ERC1: variants seen among roughly 807,000 people sequenced by gnomAD.
The protein encoded by ERC1 is RAB6 interacting protein 2.
ERC1 carries 56 observed loss-of-function variants against 132.0 expected under a neutral mutation model. The ratio of observed to expected loss-of-function variants is 0.42; its 90% CI spans 0.34 to 0.53. The LOEUF (loss-of-function observed/expected upper bound fraction) is 0.53. Ranked by LOEUF, ERC1 falls within the 20% of genes least tolerant of loss-of-function variation. ERC1 has a pLI of 0.03. For synonymous variants in ERC1, 478 were observed against 476.1 expected, an observed-to-expected ratio of 1.00 and a Z score of -0.05; for missense variants, 1,202 against 1,349.9, an observed-to-expected ratio of 0.89 and a Z score of 1.72.
intron 12 of ERC1, among the ~76,000 whole-genome samples, chr12:1,211,589 C>T (rs1176484895): frequency 1.3e-5 from 2 of 152,116 alleles, no homozygotes; most frequent in African/African-American, 2.4e-5. Context: ...GATGGAGTTT[C>T]GCTTTTGTCA....
At chr12:1,175,964 A>G (rs777405133) in intron 8 of ERC1, among the ~76,000 whole-genome samples, 1 of 152,190 alleles carries the variant, frequency 6.6e-6, no homozygotes, top group African/African-American at 2.4e-5. Context: ...AGCCTGTCAA[A>G]GTTATCCGTG....
At chr12:1,204,026 T>C (rs1490272411) in intron 12 of ERC1, 1 of 153,202 alleles carries the variant, frequency 6.5e-6, no homozygotes, top group East Asian at 1.9e-4. Flanking sequence ...GCTGTGTTTT[T>C]CTGCTTTTGC....
At position 1,141,632 on chromosome 12, in the gene ERC1, C is replaced by T. The variant is rs1197599998; in HGVS notation, c.1582C>T (p.Arg528Ter). 2.5e-6 allele frequency: 4 copies of T among 1,608,218 alleles called. No individual in the cohort carries two copies. The highest frequency in any genetic ancestry group is 3.4e-6 in the Non-Finnish European group (4 of 1,177,116). The change falls in exon 8 of 19, where the codon CGA (arginine) becomes TGA (stop). Residue 528 changes from arginine to a stop codon, truncating the protein, a stop_gained. Coordinates refer to ENST00000360905, the MANE Select transcript of ERC1 (RefSeq NM_178040.4). LOFTEE classifies it high-confidence loss of function. ...CCTACATTCTTAGGTGGATGCTCTC[C>T]GATTGCGTTTGGAAGAGAAGGAAAC... The part of the protein sequence containing the change: ...AILQTEVDAL[R>*]LRLEEKETML...
At chr12:1,310,214 A>ATTTTGTTTTGTTTTG (rs149839604) in intron 15 of ERC1, among the ~76,000 whole-genome samples, 30,047 of 144,316 alleles carry the variant, frequency 0.21, 3,340 homozygotes, top group Non-Finnish European at 0.26. Flanking sequence ...GTTCTTTTTT[A>ATTTTGTTTTGTTTTG]TTTTATTTTA....
intron 18 of ERC1, among the ~76,000 whole-genome samples, chr12:1,459,701 C>CA (rs1160815969): frequency 6.6e-6 from 1 of 152,148 alleles, no homozygotes; most frequent in Non-Finnish European, 1.5e-5. Context: ...GTCAAACACA[C>CA]AAAAATGTAT....
chr12:1,171,200 A>C (rs560004663), intron 8 of ERC1, among the ~76,000 whole-genome samples: 1 of 152,324 alleles, frequency 6.6e-6, no homozygotes, highest in Non-Finnish European at 1.5e-5. Flanking sequence ...ATAAGCAGTA[A>C]TTGAGAATAC....
At chr12:1,110,423 G>T in intron 5 of ERC1, 76 bp downstream of exon 5, 1 of 1,220,202 alleles carries the variant, frequency 8.2e-7, no homozygotes, top group East Asian at 2.5e-5. Context: ...CTCTAGTGAT[G>T]ATAAAGCCGT....
At chr12:1,372,051 T>C in intron 16 of ERC1, 74 bp downstream of exon 16, 2 of 1,533,646 alleles carry the variant, frequency 1.3e-6, no homozygotes, top group Non-Finnish European at 1.8e-6. Context: ...CTTTGCCAGC[T>C]TGTACTTTAA....
At chr12:1,269,724 A>G (rs2077700027) in intron 14 of ERC1, among the ~76,000 whole-genome samples, 1 of 152,190 alleles carries the variant, frequency 6.6e-6, no homozygotes, top group South Asian at 2.1e-4. Flanking sequence ...CACTTTCCCA[A>G]AAGGCACATG....
chr12:1,440,799 C>A (rs2093130154), intron 17 of ERC1, among the ~76,000 whole-genome samples: 2 of 151,596 alleles, frequency 1.3e-5, no homozygotes. Context: ...CAGGTGCGCA[C>A]CACACCCAGC....
intron 16 of ERC1, among the ~76,000 whole-genome samples, chr12:1,404,446 G>GA (rs1235177964): frequency 6.6e-6 from 1 of 150,690 alleles, no homozygotes; most frequent in Non-Finnish European, 1.5e-5. Context: ...AGTTCTATAT[G>GA]AAAAAATCGA....
chr12:1,015,352 C>G (rs1452638640), intron 1 of ERC1, among the ~76,000 whole-genome samples: 1 of 152,126 alleles, frequency 6.6e-6, no homozygotes. Context: ...AGCCACCATG[C>G]CTGGCCATTG....
intron 7 of ERC1, among the ~76,000 whole-genome samples, chr12:1,119,995 A>AT (rs553700400): frequency 3.3e-4 from 49 of 148,368 alleles, no homozygotes; most frequent in South Asian, 6.4e-4. Flanking sequence ...TTAATTTATT[A>AT]TTTTTTTTTT....
intron 14 of ERC1, among the ~76,000 whole-genome samples, chr12:1,280,102 G>A (rs780684015): frequency 3.9e-5 from 6 of 152,238 alleles, no homozygotes; most frequent in East Asian, 3.9e-4. Context: ...TATATCGTTC[G>A]CTTGTAATGA....
At chr12:1,305,931 A>G (rs1383057539) in intron 15 of ERC1, among the ~76,000 whole-genome samples, 2 of 152,210 alleles carry the variant, frequency 1.3e-5, no homozygotes, top group Non-Finnish European at 2.9e-5. Context: ...TTCTGTGGAA[A>G]GGCAGCAGAA....
Position 1,028,256 on chromosome 12 carries a change from T to A in ERC1, c.353T>A (p.Val118Asp), listed in dbSNP as rs760601427. Residue 118 changes from valine to aspartate, a missense_variant, in exon 2 of 19, where the codon GTT (valine) becomes GAT (aspartate). Val to Asp is a radical substitution (Grantham distance 152). Transcript: ENST00000360905. ...AGCCCCAATATAGCTAGCAGTGGGG[T>A]TGCTAGTGACACCATAGCATTTGGA... ...GSSPNIASSG[V>D]ASDTIAFGEH... The A allele has an allele frequency of 1.9e-6, 3 of 1,613,840 alleles. No homozygotes were observed.
At chr12:1,116,241 A>G in intron 7 of ERC1, 1 of 423,284 alleles carries the variant, frequency 2.4e-6, no homozygotes, top group Non-Finnish European at 4.1e-6. Context: ...GGTGCAGTTT[A>G]TGTTTTTAAT....
intron 18 of ERC1, among the ~76,000 whole-genome samples, chr12:1,461,899 T>G (rs1239584803): frequency 6.6e-6 from 1 of 151,954 alleles, no homozygotes; most frequent in Non-Finnish European, 1.5e-5. Context: ...TCATCAACAC[T>G]GGGAAAAAAT....
chr12:1,294,255 C>T (rs897619343), intron 15 of ERC1, among the ~76,000 whole-genome samples: 2 of 152,116 alleles, frequency 1.3e-5, no homozygotes, highest in Non-Finnish European at 2.9e-5. Context: ...CTTTGCCTTT[C>T]TCCTTCTTTA....
Sources: allele counts gnomAD v4.1 joint callset (sites outside exome capture counted in the v4.1 genomes callset), GRCh38; gene constraint gnomAD v4.1.1; transcripts MANE v1.5; gene names NCBI Gene and HGNC (gene_info 2026-07-23, HGNC 2026-07-21).